Variants in ESYT2 observed in about 807,000 individuals in gnomAD.
The protein encoded by ESYT2 is extended synaptotagmin 2.
ESYT2 carries 54 observed loss-of-function variants against 107.2 expected under a neutral mutation model. The ratio of observed to expected loss-of-function variants is 0.50; its 90% CI spans 0.40 to 0.63. The LOEUF (loss-of-function observed/expected upper bound fraction) is 0.63. Ranked by LOEUF, ESYT2 falls within the 30% of genes least tolerant of loss-of-function variation. The pLI, the probability that ESYT2 is intolerant of heterozygous loss-of-function variation, is 0.00. For missense variants in ESYT2, 1,020 were observed against 1,094.5 expected (o/e 0.93, Z 0.96); for synonymous variants, 491 against 434.1 (o/e 1.13, Z -1.63).
rs1274271924 is a variant in ESYT2 at position 158,781,863 on chromosome 7, G to C, written c.747+6141C>G. 3.7e-5 allele frequency among the ~76,000 whole-genome samples: 4 copies of C among 108,754 alleles called. No homozygotes were observed. The Admixed American group carries it at 4.2e-4, about 11-fold the overall frequency. 71.3% of individuals were successfully genotyped at this position (108,754 alleles called of 152,430 possible). On this transcript the variant is annotated intron_variant, in intron 6 of 22. Transcript: ENST00000275418. ...TGTGTGTGAACAAAGTGAGGTGTAA[G>C]TGTAAGAACGAGAACAAGTAAGAAC...
intron 6 of ESYT2, among the ~76,000 whole-genome samples, chr7:158,777,317 A>G (rs968119369): frequency 1.3e-5 from 2 of 152,312 alleles, no homozygotes; most frequent in Admixed American, 6.5e-5. Flanking sequence ...TCAGTGGAGC[A>G]GTCAGAAGAT....
intron 1 of ESYT2, among the ~76,000 whole-genome samples, chr7:158,820,559 G>A (rs986672031): frequency 6.6e-6 from 1 of 152,230 alleles, no homozygotes; most frequent in African/African-American, 2.4e-5. Flanking sequence ...GGGAAGTAGA[G>A]GCAGGAGGAT....
chr7:158,818,900 T>G (rs1332246029), intron 1 of ESYT2, among the ~76,000 whole-genome samples: 1 of 152,076 alleles, frequency 6.6e-6, no homozygotes, highest in Non-Finnish European at 1.5e-5. Flanking sequence ...TGGCCACACC[T>G]CAGCACACCC....
At chr7:158,803,377 T>G (rs1254709083) in intron 1 of ESYT2, among the ~76,000 whole-genome samples, 7 of 152,184 alleles carry the variant, frequency 4.6e-5, no homozygotes, top group Non-Finnish European at 1.0e-4. Context: ...TACAAGAACA[T>G]GAGACGCCTC....
chr7:158,763,219 C>G, intron 9 of ESYT2, 54 bp from the exon 10 acceptor site: 3 of 1,284,176 alleles, frequency 2.3e-6, no homozygotes, highest in Non-Finnish European at 3.4e-6. Context: ...TAGTCATACA[C>G]TGAGTATGAT....
intron 1 of ESYT2, among the ~76,000 whole-genome samples, chr7:158,820,455 ATGT>A (rs1840258378): frequency 6.6e-6 from 1 of 152,244 alleles, no homozygotes; most frequent in Non-Finnish European, 1.5e-5. Flanking sequence ...ATTTCAAAAC[ATGT>A]TGAACACAAT....
chr7:158,792,245 T>C (rs1023442652), intron 4 of ESYT2, among the ~76,000 whole-genome samples: 3 of 150,758 alleles, frequency 2.0e-5, no homozygotes, highest in African/African-American at 7.3e-5. Flanking sequence ...TTCCTTCCCC[T>C]GGGTGCAGTC....
chr7:158,770,118 C>T (rs1254529539), intron 7 of ESYT2, among the ~76,000 whole-genome samples: 1 of 151,750 alleles, frequency 6.6e-6, no homozygotes. Flanking sequence ...CTCAAACTCC[C>T]GACCTCAGGC....
intron 6 of ESYT2, among the ~76,000 whole-genome samples, chr7:158,782,571 G>C (rs1838940906): frequency 7.4e-6 from 1 of 135,534 alleles, no homozygotes; most frequent in Admixed American, 8.1e-5. Flanking sequence ...AAGTGGGAGT[G>C]TGAGAACAAA....
intron 12 of ESYT2, 29 bp downstream of exon 12, chr7:158,760,029 G>C: frequency 1.2e-6 from 2 of 1,609,740 alleles, no homozygotes; most frequent in Non-Finnish European, 1.7e-6. Context: ...TGGTTAGGTA[G>C]TTTTCAAGAG....
chr7:158,784,826 G>A (rs1839052023), intron 6 of ESYT2, among the ~76,000 whole-genome samples: 1 of 152,130 alleles, frequency 6.6e-6, no homozygotes, highest in East Asian at 1.9e-4. Flanking sequence ...TGGAATCTGC[G>A]GTTCAAAAGA....
chr7:158,781,169 G>A (rs542251159), intron 6 of ESYT2, among the ~76,000 whole-genome samples: 1 of 152,002 alleles, frequency 6.6e-6, no homozygotes, highest in East Asian at 1.9e-4. Context: ...GAGGTGTGAG[G>A]AGTGTGAGAG....
intron 1 of ESYT2, among the ~76,000 whole-genome samples, chr7:158,818,015 A>T (rs536249292): frequency 2.0e-5 from 3 of 152,218 alleles, no homozygotes; most frequent in Non-Finnish European, 2.9e-5. Context: ...AACTTAAAAC[A>T]TATCAATCCC....
At chr7:158,749,976 T>C (rs1290482959) in intron 14 of ESYT2, among the ~76,000 whole-genome samples, 1 of 152,224 alleles carries the variant, frequency 6.6e-6, no homozygotes, top group Non-Finnish European at 1.5e-5. Context: ...TTTGGAAAAC[T>C]GAATCTTCTA....
chr7:158,740,432 A>G (rs899753017), intron 18 of ESYT2, among the ~76,000 whole-genome samples: 9 of 152,204 alleles, frequency 5.9e-5, no homozygotes, highest in African/African-American at 2.2e-4. Flanking sequence ...TACAAGCATC[A>G]GCCCTGTGGT....
rs111844667 is a variant in ESYT2, at chr7:158,747,362, TA to T, written c.1644+831del. On this transcript the variant is annotated intron_variant, in intron 16 of 22. Transcript: ENST00000275418. ...CTTCATCTCAGAAAGAATGAAACATTAAAAAAAAAACCCCAAACGTCTTACA... is the reference window on the plus strand; with the variant it reads ...CTTCATCTCAGAAAGAATGAAACATTAAAAAAAAACCCCAAACGTCTTACA... Among the ~76,000 whole-genome samples the T allele has an allele frequency of 4.8e-3, 689 of 144,322 alleles. 10 individuals are homozygous for T. The highest frequency in any genetic ancestry group is 0.037 in the East Asian group (183 of 4,926). 94.7% of individuals were successfully genotyped at this position (144,322 alleles called of 152,430 possible).
chr7:158,816,093 T>A (rs1230062409), intron 1 of ESYT2, among the ~76,000 whole-genome samples: 1 of 152,110 alleles, frequency 6.6e-6, no homozygotes, highest in Non-Finnish European at 1.5e-5. Flanking sequence ...TGGAGGACTA[T>A]CCATAAGGCC....
chr7:158,792,201 A>G (rs1839317569), intron 4 of ESYT2, among the ~76,000 whole-genome samples: 2 of 138,450 alleles, frequency 1.4e-5, no homozygotes, highest in Admixed American at 7.2e-5. Flanking sequence ...GGTTTTCTAC[A>G]TATGAGATCA....
At chr7:158,758,207 C>T (rs369273648) in intron 13 of ESYT2, among the ~76,000 whole-genome samples, 32 of 152,306 alleles carry the variant, frequency 2.1e-4, no homozygotes, top group Middle Eastern at 3.4e-3. Context: ...CACATCCTCC[C>T]AGTATGAAAT....
Sources: gnomAD v4.1 joint callset for allele counts (sites outside exome capture counted in the v4.1 genomes callset) on GRCh38, gnomAD v4.1.1 for gene constraint, MANE v1.5 for transcripts, NCBI Gene and HGNC (gene_info 2026-07-23, HGNC 2026-07-21) for gene names.